The following ADGRB3 variants were observed in gnomAD, a reference collection of about 807,000 sequenced individuals.
ADGRB3 encodes brain-specific angiogenesis inhibitor 3.
A neutral mutation model predicts 193.4 loss-of-function variants in ADGRB3; 37 were observed. That is an observed-to-expected ratio of 0.19 (90% CI 0.15 to 0.25). The LOEUF (loss-of-function observed/expected upper bound fraction) is 0.25, where lower values mean the gene tolerates loss of function less well. Ranked by LOEUF, ADGRB3 falls within the 10% of genes least tolerant of loss-of-function variation. The pLI is 1.00. For synonymous variants in ADGRB3, 690 were observed against 644.2 expected (o/e 1.07, Z -1.08); for missense variants, 1,637 against 1,852.9 (o/e 0.88, Z 2.14).
chr6:69,375,001 G>A (rs905509061), intron 30 of ADGRB3, among the ~76,000 whole-genome samples: 2 of 152,060 alleles, frequency 1.3e-5, no homozygotes, highest in Non-Finnish European at 2.9e-5. Flanking sequence ...TCCAGGAATA[G>A]GAAAAGGCAT....
rs184305760 is a variant in ADGRB3, at chr6:68,857,490, C to G, written c.758-73069C>G. On this transcript the variant is annotated intron_variant, in intron 3 of 31. Coordinates refer to ENST00000370598, the MANE Select transcript of ADGRB3 (RefSeq NM_001704.3). ...ATCATTTTGGAGCTTTAAGAGTTGA[C>G]TGTCCTGCTGGATTTCATACTTGCA... 5.9e-5 allele frequency among the ~76,000 whole-genome samples: 9 copies of G among 152,340 alleles called. No individual in the cohort carries two copies. In the East Asian group the frequency reaches 1.5e-3, roughly 26 times the overall value.
At chr6:68,946,102 C>A (rs976492488) in intron 6 of ADGRB3, among the ~76,000 whole-genome samples, 2 of 152,074 alleles carry the variant, frequency 1.3e-5, no homozygotes, top group Non-Finnish European at 2.9e-5. Flanking sequence ...TGTTTTCATT[C>A]TTGAATTTAG....
chr6:69,172,431 C>T (rs1177799723), intron 17 of ADGRB3, among the ~76,000 whole-genome samples: 1 of 151,378 alleles, frequency 6.6e-6, no homozygotes, highest in Non-Finnish European at 1.5e-5. Flanking sequence ...ATCACGAGGT[C>T]AGGAGATCAA....
intron 3 of ADGRB3, among the ~76,000 whole-genome samples, chr6:68,826,630 G>A (rs940989168): frequency 6.6e-6 from 1 of 152,098 alleles, no homozygotes; most frequent in African/African-American, 2.4e-5. Context: ...GACTGGAATT[G>A]GTCAAAGATA....
intron 3 of ADGRB3, among the ~76,000 whole-genome samples, chr6:68,909,990 C>T (rs1474762165): frequency 6.6e-6 from 1 of 152,202 alleles, no homozygotes; most frequent in African/African-American, 2.4e-5. Flanking sequence ...CGCTGTCTTC[C>T]ACCATGGTTG....
At chr6:68,643,072 C>T (rs1482803326) in intron 3 of ADGRB3, among the ~76,000 whole-genome samples, 2 of 152,160 alleles carry the variant, frequency 1.3e-5, no homozygotes, top group African/African-American at 4.8e-5. Flanking sequence ...ATCTAAATCA[C>T]ATAATAAGCC....
chr6:68,859,276 C>G (rs1765082413), intron 3 of ADGRB3, among the ~76,000 whole-genome samples: 2 of 152,184 alleles, frequency 1.3e-5, no homozygotes, highest in African/African-American at 4.8e-5. Flanking sequence ...GCATTTTGGT[C>G]AAAGTAATTC....
intron 3 of ADGRB3, among the ~76,000 whole-genome samples, chr6:68,731,274 G>T (rs984628110): frequency 1.3e-5 from 2 of 151,238 alleles, no homozygotes; most frequent in African/African-American, 4.8e-5. Flanking sequence ...ATTTAATACA[G>T]GTCAATTATA....
intron 13 of ADGRB3, among the ~76,000 whole-genome samples, chr6:69,019,429 G>A: frequency 6.6e-6 from 1 of 151,940 alleles, no homozygotes; most frequent in Non-Finnish European, 1.5e-5. Context: ...AGTTCAGCTG[G>A]TAGAGAACAT....
chr6:68,955,882 C>T (rs1768057457), intron 6 of ADGRB3, 142 bp from the exon 7 acceptor site: 4 of 684,460 alleles, frequency 5.8e-6, no homozygotes, highest in African/African-American at 1.8e-5. Context: ...AATAAAATCT[C>T]ATGCTGGTGT....
chr6:68,842,620 C>A (rs1036931225), intron 3 of ADGRB3, among the ~76,000 whole-genome samples: 7 of 151,858 alleles, frequency 4.6e-5, no homozygotes, highest in African/African-American at 1.7e-4. Context: ...CCTACTCAAA[C>A]TAGTTTTGCA....
intron 17 of ADGRB3, among the ~76,000 whole-genome samples, chr6:69,167,740 C>T (rs910902068): frequency 2.6e-5 from 4 of 152,092 alleles, no homozygotes; most frequent in Non-Finnish European, 4.4e-5. Flanking sequence ...GTTCTCCTGC[C>T]CTCCCACAAG....
At chr6:69,358,645 A>G (rs1474763316) in intron 28 of ADGRB3, among the ~76,000 whole-genome samples, 1 of 151,904 alleles carries the variant, frequency 6.6e-6, no homozygotes, top group Non-Finnish European at 1.5e-5. Context: ...ACTGAGGTGA[A>G]ATTCACTTCC....
chr6:68,956,132 C>A lies in ADGRB3; in HGVS notation c.1304C>A (p.Ser435Tyr). 1.2e-6 allele frequency: 2 copies of A among 1,613,778 alleles called. No individual in the cohort carries two copies. Among genetic ancestry groups the A allele is most frequent in the Non-Finnish European group, 1.7e-6 (2 of 1,179,878 alleles). The change falls in exon 7 of 32, where the codon TCC (serine) becomes TAC (tyrosine). Residue 435 changes from serine to tyrosine, a missense_variant. Ser to Tyr is a moderately radical substitution (Grantham distance 144, BLOSUM62 -2). Coordinates refer to ENST00000370598, the MANE Select transcript of ADGRB3 (RefSeq NM_001704.3). ...TGCACTGCAGCTGCCCATGGAGGCTCCGAATGCAGAGGGCCATGGGCAGAA... is the reference window on the plus strand; with the variant it reads ...TGCACTGCAGCTGCCCATGGAGGCTACGAATGCAGAGGGCCATGGGCAGAA... ...RQCTAAAHGG[S>Y]ECRGPWAESR...
At chr6:69,244,275 G>C (rs1450899878) in intron 20 of ADGRB3, among the ~76,000 whole-genome samples, 1 of 151,888 alleles carries the variant, frequency 6.6e-6, no homozygotes, top group Non-Finnish European at 1.5e-5. Context: ...TTATATTTTT[G>C]TTCTGTAGTT....
chr6:69,320,525 G>C (rs1768426032), intron 20 of ADGRB3, among the ~76,000 whole-genome samples: 1 of 151,376 alleles, frequency 6.6e-6, no homozygotes, highest in African/African-American at 2.4e-5. Flanking sequence ...AGAGGATCTT[G>C]AGGTAATTAA....
rs1336743239 is a variant in ADGRB3 at position 69,328,001 on chromosome 6, G to A, written c.3035+112G>A. 25 of 845,296 alleles carry A rather than the reference G, an allele frequency of 3.0e-5. No individual in the cohort carries two copies. In the South Asian group the frequency reaches 6.0e-4, roughly 20 times the overall value. The allele number at this position is 845,296 out of a possible 1,614,324, so 52.4% of individuals were successfully genotyped here. The stretch of plus-strand genomic sequence containing the variant: ...TATCATGGAATCATTAACAATGGTA[G>A]AAATTGCATTAGTAAGGAACAAAAC... On this transcript the variant is annotated intron_variant, in intron 22 of 31. Transcript: ENST00000370598.
chr6:69,231,482 C>T (rs1334143915), intron 17 of ADGRB3, among the ~76,000 whole-genome samples: 1 of 152,140 alleles, frequency 6.6e-6, no homozygotes, highest in Non-Finnish European at 1.5e-5. Context: ...TAAAGCATGT[C>T]AGATTCTCTT....
intron 17 of ADGRB3, among the ~76,000 whole-genome samples, chr6:69,224,686 T>A (rs555740446): frequency 0.011 from 1,654 of 152,272 alleles, 32 homozygotes; most frequent in African/African-American, 0.038. Context: ...ATATAATTGA[T>A]CCATGAACTA....
Sources: allele counts gnomAD v4.1 joint callset (sites outside exome capture counted in the v4.1 genomes callset), GRCh38; gene constraint gnomAD v4.1.1; transcripts MANE v1.5; gene names NCBI Gene and HGNC (gene_info 2026-07-23, HGNC 2026-07-21).